NKIRAS2: variants seen among roughly 807,000 people sequenced by gnomAD.
The protein encoded by NKIRAS2 is NF-kappa-B inhibitor-interacting Ras-like protein 2.
NKIRAS2 carries 15 observed loss-of-function variants against 20.7 expected under a neutral mutation model. The observed-to-expected ratio is 0.73, with a 90% CI of 0.49 to 1.12. The LOEUF (loss-of-function observed/expected upper bound fraction) is 1.12. NKIRAS2 is among the 50% of genes most tolerant of loss of function. The pLI is 0.00. For missense variants in NKIRAS2, 196 were observed against 249.6 expected, an observed-to-expected ratio of 0.79 and a Z score of 1.45; for synonymous variants, 116 against 101.4, an observed-to-expected ratio of 1.14 and a Z score of -0.87.
upstream of NKIRAS2, among the ~76,000 whole-genome samples, chr17:42,018,740 C>G (rs1555652481): frequency 6.6e-6 from 1 of 152,234 alleles, no homozygotes; most frequent in African/African-American, 2.4e-5. Flanking sequence ...TAAGGCAACT[C>G]ATTTATTCCC....
chr17:42,017,581 T>G, upstream of NKIRAS2: 2 of 836,280 alleles, frequency 2.4e-6, no homozygotes, highest in Non-Finnish European at 3.6e-6. Context: ...CCCCCGGATG[T>G]CCACGGTGGT....
intron 2 of NKIRAS2, chr17:42,021,883 C>A (rs782725947): frequency 1.4e-6 from 1 of 733,808 alleles, no homozygotes. Flanking sequence ...GCTGTCATGT[C>A]ACACTTGTGC....
upstream of NKIRAS2, among the ~76,000 whole-genome samples, chr17:42,019,186 T>G (rs181169346): frequency 3.3e-5 from 5 of 152,188 alleles, no homozygotes; most frequent in East Asian, 9.7e-4. Context: ...GGCAGGAGGA[T>G]CACTTGAGCC....
chr17:42,017,605 C>T, upstream of NKIRAS2: 1 of 704,392 alleles, frequency 1.4e-6, no homozygotes, highest in South Asian at 1.9e-5. Flanking sequence ...CGCGCCGGGG[C>T]GGGAGCCCAG....
At chr17:42,019,508 T>C (rs2052390925), upstream of NKIRAS2, among the ~76,000 whole-genome samples, 1 of 152,206 alleles carries the variant, frequency 6.6e-6, no homozygotes, top group South Asian at 2.1e-4. Flanking sequence ...TTTTAAATAA[T>C]TTAATTTGAG....
intron 3 of NKIRAS2, 122 bp downstream of exon 3, chr17:42,022,762 G>A: frequency 8.1e-7 from 1 of 1,229,872 alleles, no homozygotes; most frequent in East Asian, 2.4e-5. Flanking sequence ...CCAGAGGTGG[G>A]GTGGAGGCCA....
chr17:42,019,259 C>T (rs375613904), upstream of NKIRAS2, among the ~76,000 whole-genome samples: 44 of 152,034 alleles, frequency 2.9e-4, no homozygotes, highest in East Asian at 9.6e-4. Context: ...GAGAAAAGAG[C>T]AAGACCCTGT....
At chr17:42,022,199 A>G in intron 2 of NKIRAS2, 200 bp from the exon 3 acceptor site, 4 of 590,938 alleles carry the variant, frequency 6.8e-6, no homozygotes, top group South Asian at 4.2e-5. Flanking sequence ...ACGAGAGCAA[A>G]ACTCCGTCTC....
chr17:42,021,568 A>C lies in NKIRAS2; in HGVS notation c.-10A>C, dbSNP rs1555652990. 6.2e-7 allele frequency: 1 copy of C among 1,613,990 alleles called. No homozygotes were observed. The highest frequency in any genetic ancestry group is 2.2e-5 in the East Asian group (1 of 44,870). On this transcript the variant is annotated 5_prime_UTR_variant, in exon 2 of 4. Transcript: ENST00000393885. ...AGCGTGCTTCTGTTCTTCAAGGTTG[A>C]AAACTAAGCATGGGGAAGAGCTGCA... is the stretch of plus-strand genomic sequence containing the variant.
Position 42,023,775 on chromosome 17 carries a change from A to G in NKIRAS2, c.458A>G (p.Asp153Gly). 1 of 1,614,162 alleles carries G rather than the reference A, an allele frequency of 6.2e-7. No homozygotes were observed. Among genetic ancestry groups the G allele is most frequent in the Non-Finnish European group, 8.5e-7 (1 of 1,180,026 alleles). Residue 153 changes from aspartate to glycine, a missense_variant, in exon 4 of 4, where the codon GAC becomes GGC. Asp to Gly is a moderately conservative substitution (Grantham distance 94). Transcript: ENST00000393885. Reference protein sequence around the residue: ...KVKLWEVSVADRRSLLEPFVY... With the variant: ...KVKLWEVSVAGRRSLLEPFVY... The stretch of plus-strand genomic sequence containing the variant: ...AAGCTGTGGGAGGTGTCAGTGGCGG[A>G]CCGGCGCTCCCTCCTGGAGCCCTTT...
Position 42,021,669 on chromosome 17 carries a change from T to C in NKIRAS2, c.92T>C (p.Val31Ala). Residue 31 changes from valine to alanine, a missense_variant and splice_region_variant, in exon 2 of 4, where the codon GTG (valine) becomes GCG (alanine). Transcript: ENST00000393885. ...LEQLLYGNHVVGSEMIETQED... is the reference protein window; with the variant it reads ...LEQLLYGNHVAGSEMIETQED... ...CAGCTTCTGTATGGGAACCATGTAG[T>C]GGGTGAGTGTTGTTGGAGGGGGAGG... 1 of 1,613,592 alleles carries C rather than the reference T, an allele frequency of 6.2e-7. No individual in the cohort carries two copies. Among genetic ancestry groups the C allele is most frequent in the Non-Finnish European group, 8.5e-7 (1 of 1,179,596 alleles).
upstream of NKIRAS2, among the ~76,000 whole-genome samples, chr17:42,019,190 T>G (rs1215267921): frequency 6.6e-6 from 1 of 152,160 alleles, no homozygotes; most frequent in Admixed American, 6.6e-5. Context: ...GGAGGATCAC[T>G]TGAGCCCAGG....
rs910604016 is a variant in NKIRAS2 at position 42,021,760 on chromosome 17, C to T, written c.94+89C>T. 9 of 1,241,976 alleles carry T rather than the reference C, an allele frequency of 7.2e-6. No individual in the cohort carries two copies. In the East Asian group the frequency reaches 1.6e-4, roughly 22 times the overall value. The allele number at this position is 1,241,976 out of a possible 1,614,324, so 76.9% of individuals were successfully genotyped here. On this transcript the variant is annotated intron_variant, in intron 2 of 3. Transcript: ENST00000393885. ...CACAACACACACAGGCTAAAAGCTG[C>T]TCCTGGTGGTTTTCCCCCCTGGAAG...
At position 42,024,060 on chromosome 17, in the gene NKIRAS2, C is replaced by T; in HGVS notation, c.*167C>T. 1 of 1,054,134 alleles carries T rather than the reference C, an allele frequency of 9.5e-7. No individual in the cohort carries two copies. The highest frequency in any genetic ancestry group is 1.3e-6 in the Non-Finnish European group (1 of 751,788). 65.3% of individuals were successfully genotyped at this position (1,054,134 alleles called of 1,614,324 possible). On this transcript the variant is annotated 3_prime_UTR_variant, in exon 4 of 4. Coordinates refer to ENST00000393885, the MANE Select transcript of NKIRAS2 (RefSeq NM_017595.6). ...TGCTCCCTCTCACCTCTGGGAAGTG[C>T]AAATACTCTTGGTTGACATCCCCTT...
chr17:42,022,570 A>G lies in NKIRAS2; in HGVS notation c.266A>G (p.Asp89Gly). ...GGCTACGTCCTGGTCTATAGCACAG[A>G]TAGCAGAGAGTCTTTTCAGCGTGTG... Reference protein sequence around the residue: ...TDGYVLVYSTDSRESFQRVEL... With the variant: ...TDGYVLVYSTGSRESFQRVEL... The change falls in exon 3 of 4, where the codon GAT (aspartate) becomes GGT (glycine). Residue 89 changes from aspartate (D) to glycine (G), a missense_variant. Physicochemically the swap from Asp to Gly is moderately conservative, Grantham distance 94 (BLOSUM62 -1). Transcript: ENST00000393885. The G allele has an allele frequency of 6.2e-7, 1 of 1,614,122 alleles. No homozygotes were observed. Among genetic ancestry groups the G allele is most frequent in the Non-Finnish European group, 8.5e-7 (1 of 1,180,010 alleles).
chr17:42,021,357 C>A (rs1463416801), intron 1 of NKIRAS2: 15 of 529,516 alleles, frequency 2.8e-5, no homozygotes, highest in South Asian at 1.3e-4. Flanking sequence ...TCCGTTTCCT[C>A]TGACTAGCAT....
chr17:42,021,301 G>T, intron 1 of NKIRAS2: 1 of 390,948 alleles, frequency 2.6e-6, no homozygotes, highest in Non-Finnish European at 4.8e-6. Flanking sequence ...GGATAACAAA[G>T]ACGAATAAAA....
chr17:42,018,152 G>T (rs782475340), upstream of NKIRAS2, among the ~76,000 whole-genome samples: 1 of 152,112 alleles, frequency 6.6e-6, no homozygotes. Flanking sequence ...AAGGAAGCTC[G>T]CGGGGTGAGG....
upstream of NKIRAS2, among the ~76,000 whole-genome samples, chr17:42,019,190 T>C (rs1215267921): frequency 1.3e-5 from 2 of 152,160 alleles, no homozygotes; most frequent in African/African-American, 4.8e-5. Context: ...GGAGGATCAC[T>C]TGAGCCCAGG....
Sources: gnomAD v4.1 joint callset for allele counts (sites outside exome capture counted in the v4.1 genomes callset) on GRCh38, gnomAD v4.1.1 for gene constraint, MANE v1.5 for transcripts, NCBI Gene and HGNC (gene_info 2026-07-23, HGNC 2026-07-21) for gene names.